The following CAMK4 variants were observed in gnomAD, a reference collection of about 807,000 sequenced individuals.
CAMK4 encodes calcium/calmodulin-dependent protein kinase type IV.
A neutral mutation model predicts 44.9 loss-of-function variants in CAMK4; 22 were observed. That is an observed-to-expected ratio of 0.49 (90% CI 0.35 to 0.70). CAMK4 has a LOEUF of 0.70. Ranked by LOEUF, CAMK4 falls within the 30% of genes least tolerant of loss-of-function variation. CAMK4 has a pLI of 0.01. For synonymous variants in CAMK4, 218 were observed against 215.4 expected, an observed-to-expected ratio of 1.01 and a Z score of -0.11; for missense variants, 498 against 586.8, an observed-to-expected ratio of 0.85 and a Z score of 1.56.
chr5:111,289,134 G>A (rs1751348417), intron 1 of CAMK4, among the ~76,000 whole-genome samples: 1 of 152,208 alleles, frequency 6.6e-6, no homozygotes. Context: ...ATCATCTGAG[G>A]TCAGGAGTTC....
intron 5 of CAMK4, among the ~76,000 whole-genome samples, chr5:111,432,526 G>A (rs915781104): frequency 1.3e-5 from 2 of 151,542 alleles, no homozygotes; most frequent in Non-Finnish European, 2.9e-5. Context: ...AAGGATAAAT[G>A]CTTGAGGGGA....
chr5:111,288,673 C>G (rs1751328532), intron 1 of CAMK4, among the ~76,000 whole-genome samples: 1 of 152,010 alleles, frequency 6.6e-6, no homozygotes, highest in Admixed American at 6.6e-5. Flanking sequence ...GCCTCCTTTC[C>G]TCTTATGGCA....
intron 1 of CAMK4, among the ~76,000 whole-genome samples, chr5:111,231,623 G>A (rs921678072): frequency 2.0e-5 from 3 of 152,072 alleles, no homozygotes; most frequent in Admixed American, 6.6e-5. Context: ...ACAACCAAAT[G>A]TTTCTCCCAT....
At chr5:111,398,333 T>C (rs1468058522) in intron 5 of CAMK4, among the ~76,000 whole-genome samples, 1 of 152,110 alleles carries the variant, frequency 6.6e-6, no homozygotes, top group Non-Finnish European at 1.5e-5. Context: ...GGGGTGTGAA[T>C]TGTGCAGTAT....
chr5:111,282,392 T>G (rs1388604722), intron 1 of CAMK4, among the ~76,000 whole-genome samples: 1 of 151,974 alleles, frequency 6.6e-6, no homozygotes, highest in African/African-American at 2.4e-5. Flanking sequence ...TTGTATATAT[T>G]GCTCTTGGCC....
At chr5:111,454,860 G>GA (rs1754363495) in intron 7 of CAMK4, among the ~76,000 whole-genome samples, 1 of 74,036 alleles carries the variant, frequency 1.4e-5, no homozygotes, top group Admixed American at 1.3e-4. Context: ...AAGGGCTTAG[G>GA]TAAAAAAAAA....
In CAMK4 at chr5:111,333,989, T is replaced by C. The variant is rs559038812; in HGVS notation, c.162-10035T>C. The stretch of plus-strand genomic sequence containing the variant: ...ACCAAGTAGGAGGACATGAGAAGAC[T>C]GAAGTGAGGTGCTTACGCTTGCTTT... On this transcript the variant is annotated intron_variant, in intron 1 of 10. Transcript: ENST00000282356. 1.5e-3 allele frequency among the ~76,000 whole-genome samples: 233 copies of C among 151,518 alleles called. 1 individual carries two copies. The highest frequency in any genetic ancestry group is 2.6e-3 in the Non-Finnish European group (175 of 67,662).
At chr5:111,325,480 C>T (rs763947398) in intron 1 of CAMK4, among the ~76,000 whole-genome samples, 3 of 152,198 alleles carry the variant, frequency 2.0e-5, no homozygotes, top group South Asian at 2.1e-4. Flanking sequence ...CTCTCACCAA[C>T]GATGTAAAAG....
intron 7 of CAMK4, 34 bp from the exon 8 acceptor site, chr5:111,473,277 C>G (rs1391894305): frequency 7.4e-7 from 1 of 1,343,784 alleles, no homozygotes; most frequent in Admixed American, 1.7e-5. Context: ...ATTGACTAAG[C>G]TCTAATTTAA....
At chr5:111,399,598 G>T (rs1417663747) in intron 5 of CAMK4, among the ~76,000 whole-genome samples, 1 of 152,146 alleles carries the variant, frequency 6.6e-6, no homozygotes, top group African/African-American at 2.4e-5. Flanking sequence ...GGAAATTGAT[G>T]AAAACATGAA....
intron 7 of CAMK4, among the ~76,000 whole-genome samples, chr5:111,466,220 A>G (rs968240734): frequency 6.6e-6 from 1 of 152,250 alleles, no homozygotes; most frequent in African/African-American, 2.4e-5. Flanking sequence ...AGACTCATCT[A>G]TGACAAACCC....
At chr5:111,466,817 A>G (rs955230047) in intron 7 of CAMK4, among the ~76,000 whole-genome samples, 1 of 144,062 alleles carries the variant, frequency 6.9e-6, no homozygotes, top group Non-Finnish European at 1.5e-5. Context: ...TACCACCATC[A>G]TTTATCACAG....
At chr5:111,373,881 C>T (rs193164722) in intron 2 of CAMK4, among the ~76,000 whole-genome samples, 8 of 152,238 alleles carry the variant, frequency 5.3e-5, no homozygotes, top group Admixed American at 3.3e-4. Context: ...GACATTAAAA[C>T]GTTTATGTCT....
At chr5:111,314,012 G>A (rs146252660) in intron 1 of CAMK4, among the ~76,000 whole-genome samples, 2 of 152,210 alleles carry the variant, frequency 1.3e-5, no homozygotes, top group East Asian at 3.9e-4. Context: ...ATTCTTAAGT[G>A]TGTGTCTTTT....
rs548918879 is a variant in CAMK4 at position 111,290,523 on chromosome 5, A to T, written c.162-53501A>T. ...TATAACTACTTAAATCCATGGGACT[A>T]TCCCCTGAGAAGTCTTATAAACTGC... On this transcript the variant is annotated intron_variant, in intron 1 of 10. Coordinates refer to ENST00000282356, the MANE Select transcript of CAMK4 (RefSeq NM_001744.6). This position sits in a 1 kb window ranked among gnomAD's most constrained non-coding sequence, Gnocchi z 4.5. Among the ~76,000 whole-genome samples, 1 of 152,198 alleles carries T rather than the reference A, an allele frequency of 6.6e-6. No homozygotes were observed. Among genetic ancestry groups the T allele is most frequent in the African/African-American group, 2.4e-5 (1 of 41,450 alleles).
At chr5:111,227,398 A>G (rs1324778437) in intron 1 of CAMK4, among the ~76,000 whole-genome samples, 1 of 152,220 alleles carries the variant, frequency 6.6e-6, no homozygotes, top group Admixed American at 6.5e-5. Context: ...TCATTAATAT[A>G]CTAAGAGAAC....
At chr5:111,447,260 A>C (rs1003608097) in intron 6 of CAMK4, among the ~76,000 whole-genome samples, 3 of 152,178 alleles carry the variant, frequency 2.0e-5, no homozygotes, top group Non-Finnish European at 2.9e-5. Flanking sequence ...CCTTTCCCAA[A>C]ATGCACTCCA....
In CAMK4 at chr5:111,446,772, A is replaced by C; in HGVS notation, c.546A>C (p.Lys182Asn). 1 of 1,589,306 alleles carries C rather than the reference A, an allele frequency of 6.3e-7. No individual in the cohort carries two copies. The highest frequency in any genetic ancestry group is 8.6e-7 in the Non-Finnish European group (1 of 1,157,542). The change falls in exon 6 of 11, where the codon AAA becomes AAC. Residue 182 changes from lysine (K) to asparagine (N), a missense_variant. This residue lies in a region of CAMK4 where 203 missense variants were observed against 298.2 expected (regional missense o/e 0.68). Coordinates refer to ENST00000282356, the MANE Select transcript of CAMK4 (RefSeq NM_001744.6). ...CTCCAGCCCCAGATGCACCACTCAA[A>C]ATCGGTGAGAACATTTCTTCTTGTT... ...YATPAPDAPL[K>N]IADFGLSKIV...
intron 5 of CAMK4, among the ~76,000 whole-genome samples, chr5:111,433,123 ATATGTTCACAGAT>A (rs1454640788): frequency 6.6e-6 from 1 of 152,184 alleles, no homozygotes; most frequent in African/African-American, 2.4e-5. Context: ...GTCACTGCTG[ATATGTTCACAGAT>A]TATCCTGTTT....
Sources: gnomAD v4.1 joint callset for allele counts (sites outside exome capture counted in the v4.1 genomes callset) on GRCh38, gnomAD v4.1.1 for gene constraint, gnomAD v4.1.1 regional missense constraint, Gnocchi (gnomAD v3.1) non-coding constraint, MANE v1.5 for transcripts, NCBI Gene and HGNC (gene_info 2026-07-23, HGNC 2026-07-21) for gene names.